The following WDR90 variants were observed in gnomAD, a reference collection of about 807,000 sequenced individuals.
WDR90 encodes WD repeat-containing protein 90.
In WDR90, 238 loss-of-function variants were observed where a neutral mutation model predicts 195.2. That is an observed-to-expected ratio of 1.22 (90% confidence interval 1.10 to 1.36). The LOEUF is 1.36. Ranked by LOEUF, WDR90 falls within the 40% of genes most tolerant of loss-of-function variation. The pLI, the probability that WDR90 is intolerant of heterozygous loss-of-function variation, is 0.00. For missense variants in WDR90, 2,734 were observed against 2,439.5 expected (o/e 1.12, Z -2.54); for synonymous variants, 1,265 against 1,052.4 (o/e 1.20, Z -3.91).
At position 661,100 on chromosome 16, in the gene WDR90, C is replaced by A. The variant is rs759798517; in HGVS notation, c.3441C>A (p.His1147Gln). 6.4e-7 allele frequency: 1 copy of A among 1,563,892 alleles called. No homozygotes were observed. The highest frequency in any genetic ancestry group is 1.8e-5 in the Admixed American group (1 of 55,536). ...CGRLVVVEDL[H>Q]SGAQQHWSGH... The stretch of plus-strand genomic sequence containing the variant: ...GCCTGGTGGTGGTGGAGGACCTGCA[C>A]TCTGGCGCCCAGCAGCACTGGTCCG... Residue 1147 changes from histidine (H) to glutamine (Q), a missense_variant, in exon 29 of 41, where the codon CAC becomes CAA. Coordinates refer to ENST00000293879, the MANE Select transcript of WDR90 (RefSeq NM_145294.5).
chr16:660,412 G>A (rs954696412), intron 27 of WDR90, 200 bp from the exon 28 acceptor site: 6 of 646,748 alleles, frequency 9.3e-6, no homozygotes, highest in Non-Finnish European at 1.3e-5. Flanking sequence ...CCCTTGATGA[G>A]AGCCCCACGG....
intron 40 of WDR90, among the ~76,000 whole-genome samples, 158 bp from the exon 41 acceptor site, chr16:667,273 CT>C (rs1279907139): frequency 6.6e-6 from 1 of 152,172 alleles, no homozygotes; most frequent in Non-Finnish European, 1.5e-5. Flanking sequence ...GATGGACCCC[CT>C]AGTCCCAGTG....
intron 15 of WDR90, 29 bp from the exon 16 acceptor site, chr16:655,544 C>T (rs554663281): frequency 1.3e-6 from 2 of 1,562,054 alleles, no homozygotes; most frequent in East Asian, 4.5e-5. Context: ...CCCTGAGGGC[C>T]TCACCTTCCC....
chr16:660,516 G>A (rs1488686507), intron 27 of WDR90, 96 bp from the exon 28 acceptor site: 3 of 1,287,720 alleles, frequency 2.3e-6, no homozygotes, highest in Non-Finnish European at 3.3e-6. Context: ...TCTGCAGCTG[G>A]CCTGGGTGTG....
chr16:665,551 T>G, intron 34 of WDR90, 128 bp from the exon 35 acceptor site: 1 of 1,473,538 alleles, frequency 6.8e-7, no homozygotes, highest in Non-Finnish European at 9.4e-7. Context: ...CCATGTGGAG[T>G]TGGCCGGGGC....
In WDR90 at chr16:655,587, G is replaced by A. The variant is rs148528682; in HGVS notation, c.1733G>A (p.Arg578His). 1.3e-3 allele frequency: 2,058 copies of A among 1,598,540 alleles called. 5 individuals are homozygous for A. Among genetic ancestry groups the A allele is most frequent in the Non-Finnish European group, 1.6e-3 (1,851 of 1,170,818 alleles). ...PSAAMLFVCSRSGHILEIDCQ... is the reference protein window; with the variant it reads ...PSAAMLFVCSHSGHILEIDCQ... ...TCCTCGGGCAGCTTCGTGTGCAGCCGCAGTGGCCACATCTTGGAGATTGAC... is the reference window on the plus strand; with the variant it reads ...TCCTCGGGCAGCTTCGTGTGCAGCCACAGTGGCCACATCTTGGAGATTGAC... Residue 578 changes from arginine (R) to histidine (H), a missense_variant, in exon 16 of 41, where the codon CGC (arginine) becomes CAC (histidine). Arg to His is a conservative substitution (Grantham distance 29). Coordinates refer to ENST00000293879, the MANE Select transcript of WDR90 (RefSeq NM_145294.5).
rs765658781 is a variant in WDR90 at position 667,504 on chromosome 16, A to C, written c.5162A>C (p.His1721Pro). 1 of 1,612,486 alleles carries C rather than the reference A, an allele frequency of 6.2e-7. No individual in the cohort carries two copies. Among genetic ancestry groups the C allele is most frequent in the Admixed American group, 1.7e-5 (1 of 60,026 alleles). Residue 1721 changes from histidine to proline, a missense_variant, in exon 41 of 41, where the codon CAC becomes CCC. Coordinates refer to ENST00000293879, the MANE Select transcript of WDR90 (RefSeq NM_145294.5). ...QDFAGHDNAV[H>P]LCRFTPSARL... Reference sequence around the variant, plus strand: ...TTTGCCGGCCACGACAACGCAGTGCACCTGTGCAGGTTTACACCGTCCGCC... The same window carrying C: ...TTTGCCGGCCACGACAACGCAGTGCCCCTGTGCAGGTTTACACCGTCCGCC...
At chr16:660,219 A>G in intron 27 of WDR90, 58 bp downstream of exon 27, 3 of 1,403,034 alleles carry the variant, frequency 2.1e-6, no homozygotes, top group Non-Finnish European at 1.9e-6. Context: ...GGCCCCCCGC[A>G]GGGCTCCCCA....
Position 661,763 on chromosome 16 carries a change from G to A in WDR90, c.3840G>A (p.Gln1280=), listed in dbSNP as rs561006243. 14 of 1,606,368 alleles carry A rather than the reference G, an allele frequency of 8.7e-6. No individual in the cohort carries two copies. In the East Asian group the frequency reaches 3.1e-4, roughly 36 times the overall value. ...QGTVTFWLLQ[Q]RGADISLQVR... The stretch of plus-strand genomic sequence containing the variant: ...CTGTCACCTTCTGGCTCCTTCAGCA[G>A]CGTGGGGCAGACATCAGCCTTCAGG... Residue 1280 remains glutamine (Q), a synonymous_variant, in exon 31 of 41, where the codon CAG becomes CAA. Transcript: ENST00000293879.
In WDR90 at chr16:653,236, C is replaced by G. The variant is rs2037680890; in HGVS notation, c.1123-105C>G. ...TGCCCAGGTGTGTGTGCCAGGCCTG[C>G]CACCCCCTCTCCCTGGGCTGGAGTG... On this transcript the variant is annotated intron_variant, in intron 10 of 40. Coordinates refer to ENST00000293879, the MANE Select transcript of WDR90 (RefSeq NM_145294.5). 3 of 958,388 alleles carry G rather than the reference C, an allele frequency of 3.1e-6. No individual in the cohort carries two copies. The African/African-American group carries it at 5.0e-5, about 16-fold the overall frequency. The allele number at this position is 958,388 out of a possible 1,614,324, so 59.4% of individuals were successfully genotyped here.
rs1234485038 is a variant in WDR90, at chr16:661,979, C to A, written c.3953C>A (p.Thr1318Asn). 2 of 1,605,770 alleles carry A rather than the reference C, an allele frequency of 1.2e-6. No homozygotes were observed. Among genetic ancestry groups the A allele is most frequent in the East Asian group, 2.2e-5 (1 of 44,882 alleles). ...YGAPPLLYCG[T>N]SSGQVCVWDT... ...GCACCTCCCCTGCTCTATTGTGGCACCAGCTCTGGCCAGGTCTGTGTCTGG... is the reference window on the plus strand; with the variant it reads ...GCACCTCCCCTGCTCTATTGTGGCAACAGCTCTGGCCAGGTCTGTGTCTGG... Residue 1318 changes from threonine to asparagine, a missense_variant, in exon 32 of 41, where the codon ACC becomes AAC. Thr to Asn is a moderately conservative substitution (Grantham distance 65, BLOSUM62 0). Coordinates refer to ENST00000293879, the MANE Select transcript of WDR90 (RefSeq NM_145294.5).
chr16:650,220 C>T (rs371421653), intron 3 of WDR90, 34 bp from the exon 4 acceptor site: 1 of 1,610,936 alleles, frequency 6.2e-7, no homozygotes, highest in African/African-American at 1.3e-5. Flanking sequence ...CCCTGCGGCC[C>T]CTGTCTCCTC....
chr16:650,873 C>A, intron 5 of WDR90, 122 bp from the exon 6 acceptor site: 1 of 1,476,756 alleles, frequency 6.8e-7, no homozygotes, highest in Non-Finnish European at 9.3e-7. Flanking sequence ...AGAACCCATC[C>A]CAGAGGCAGC....
intron 13 of WDR90, chr16:654,415 C>T (rs1370353377): frequency 6.8e-6 from 1 of 146,836 alleles, no homozygotes; most frequent in Non-Finnish European, 1.5e-5. Context: ...GCATCTTGCT[C>T]TGTCGCCCAG....
chr16:660,529 C>T (rs2037873209), intron 27 of WDR90, 83 bp from the exon 28 acceptor site: 1 of 1,424,690 alleles, frequency 7.0e-7, no homozygotes. Flanking sequence ...TGGGTGTGCC[C>T]CAACACAGCC....
Position 653,387 on chromosome 16 carries a change from C to A in WDR90, c.1169C>A (p.Ala390Glu), listed in dbSNP as rs200076568. The A allele has an allele frequency of 4.0e-5, 64 of 1,603,724 alleles. No homozygotes were observed. Among genetic ancestry groups the A allele is most frequent in the Admixed American group, 1.2e-4 (7 of 57,252 alleles). ...GCGGCTGTCGTGTACCCCTGCCATGCGGTCATCGTCGTCCTGCTCGTGGAC... is the reference window on the plus strand; with the variant it reads ...GCGGCTGTCGTGTACCCCTGCCATGAGGTCATCGTCGTCCTGCTCGTGGAC... ...DGAAVVYPCH[A>E]VIVVLLVDTG... Residue 390 changes from alanine to glutamate, a missense_variant, in exon 11 of 41, where the codon GCG becomes GAG. Physicochemically the swap from Ala to Glu is moderately radical, Grantham distance 107 (BLOSUM62 -1). Transcript: ENST00000293879.
At chr16:664,310 G>A (rs969007553) in intron 34 of WDR90, among the ~76,000 whole-genome samples, 1 of 152,318 alleles carries the variant, frequency 6.6e-6, no homozygotes, top group East Asian at 1.9e-4. Context: ...ATATTCTGTA[G>A]GAACTGGCTC....
Position 656,290 on chromosome 16 carries a change from C to T in WDR90, c.1967-12C>T, listed in dbSNP as rs1176783022. 5 of 1,599,522 alleles carry T rather than the reference C, an allele frequency of 3.1e-6. No homozygotes were observed. The East Asian group carries it at 8.9e-5, about 29-fold the overall frequency. On this transcript the variant is annotated splice_polypyrimidine_tract_variant and intron_variant, in intron 17 of 40. Coordinates refer to ENST00000293879, the MANE Select transcript of WDR90 (RefSeq NM_145294.5). ...GTGGCCCTGGAGGCCCCTGACCCCA[C>T]CCCACCCACAGAGCACGAGGGCCCC...
rs934001796 is a variant in WDR90 at position 653,434 on chromosome 16, C to T, written c.1216C>T (p.Leu406Phe). ...LVDTGEQRFF[L>F]GHTDKVSALA... ...GGACACGGGGGAGCAGCGCTTCTTC[C>T]TTGGCCACACAGACAAGGTGGGTGC... Residue 406 changes from leucine (L) to phenylalanine (F), a missense_variant, in exon 11 of 41, where the codon CTT (leucine) becomes TTT (phenylalanine). By Grantham distance (22) the Leu-to-Phe change is conservative. Transcript: ENST00000293879. 2.5e-6 allele frequency: 4 copies of T among 1,612,164 alleles called. No individual in the cohort carries two copies. Among genetic ancestry groups the T allele is most frequent in the Non-Finnish European group, 3.4e-6 (4 of 1,179,510 alleles).
Sources: allele counts gnomAD v4.1 joint callset (sites outside exome capture counted in the v4.1 genomes callset), GRCh38; gene constraint gnomAD v4.1.1; transcripts MANE v1.5; gene names NCBI Gene and HGNC (gene_info 2026-07-23, HGNC 2026-07-21).